Variants in PDE10A observed in about 807,000 individuals in gnomAD.
PDE10A encodes phosphodiesterase 10A, also known as cAMP and cAMP-inhibited cGMP 3',5'-cyclic phosphodiesterase 10A.
Under a neutral mutation model 97.7 loss-of-function variants are expected in PDE10A, and 39 were observed. The observed-to-expected ratio is 0.40, with a 90% CI of 0.31 to 0.52. The LOEUF is 0.52. Among genes scored for constraint, PDE10A ranks in the 20% least tolerant of loss-of-function variants. PDE10A has a pLI of 0.56. For missense variants in PDE10A, 731 were observed against 1,047.8 expected (o/e 0.70, Z 4.17); for synonymous variants, 371 against 376.8 (o/e 0.98, Z 0.18).
intron 1 of PDE10A, among the ~76,000 whole-genome samples, chr6:165,847,221 C>G (rs1186942073): frequency 6.6e-6 from 1 of 152,140 alleles, no homozygotes; most frequent in Non-Finnish European, 1.5e-5. Context: ...TGAGGAGTTG[C>G]GGTTTACAGA....
At chr6:165,986,394 C>T (rs997473617) in intron 1 of PDE10A, 1 of 153,314 alleles carries the variant, frequency 6.5e-6, no homozygotes, top group African/African-American at 2.4e-5. Context: ...GGGGAAGGGA[C>T]TTGGGGTGGC....
chr6:165,533,034 G>C (rs1782878199), intron 2 of PDE10A, among the ~76,000 whole-genome samples: 1 of 152,068 alleles, frequency 6.6e-6, no homozygotes, highest in African/African-American at 2.4e-5. Context: ...CAGTCAGAAT[G>C]GCTAAAACTA....
chr6:165,649,181 G>A (rs1789554635), intron 1 of PDE10A, among the ~76,000 whole-genome samples: 1 of 152,144 alleles, frequency 6.6e-6, no homozygotes, highest in Non-Finnish European at 1.5e-5. Flanking sequence ...TGAAGATGGA[G>A]GTTTAAAGGT....
intron 14 of PDE10A, among the ~76,000 whole-genome samples, chr6:165,396,094 A>C (rs2128218160): frequency 6.6e-6 from 1 of 152,320 alleles, no homozygotes; most frequent in South Asian, 2.1e-4. Flanking sequence ...TCATTTCAAA[A>C]CTGAGTTCAG....
chr6:165,808,883 G>A (rs1025414093), intron 1 of PDE10A, among the ~76,000 whole-genome samples: 1 of 152,176 alleles, frequency 6.6e-6, no homozygotes, highest in Non-Finnish European at 1.5e-5. Flanking sequence ...TTTCTCTCAC[G>A]TGAAGTAAAA....
At chr6:165,656,485 T>C (rs1789973818) in intron 1 of PDE10A, among the ~76,000 whole-genome samples, 1 of 151,838 alleles carries the variant, frequency 6.6e-6, no homozygotes, top group Non-Finnish European at 1.5e-5. Flanking sequence ...ATCAGCCCTC[T>C]CCCTGCAGTC....
intron 1 of PDE10A, among the ~76,000 whole-genome samples, chr6:165,707,593 AGTGTGTGACAGT>A (rs973229034): frequency 6.6e-6 from 1 of 151,646 alleles, no homozygotes; most frequent in African/African-American, 2.4e-5. Context: ...TGTGTGTGTG[AGTGTGTGACAGT>A]GTGTGTGCAT....
At chr6:165,811,509 T>C (rs1037742719) in intron 1 of PDE10A, among the ~76,000 whole-genome samples, 15 of 152,212 alleles carry the variant, frequency 9.9e-5, no homozygotes, top group Non-Finnish European at 1.5e-4. Flanking sequence ...CTTATGTCCT[T>C]TCTGTCCCTT....
intron 18 of PDE10A, among the ~76,000 whole-genome samples, chr6:165,365,694 T>C (rs1245612938): frequency 6.6e-6 from 1 of 152,118 alleles, no homozygotes; most frequent in Admixed American, 6.6e-5. Context: ...TACTTAAGCC[T>C]GGGGGACAGA....
intron 1 of PDE10A, among the ~76,000 whole-genome samples, chr6:165,769,481 A>C (rs1004140394): frequency 1.3e-5 from 2 of 152,198 alleles, no homozygotes; most frequent in Non-Finnish European, 2.9e-5. Context: ...GGTGAATTTA[A>C]ACAGTGATGC....
intron 3 of PDE10A, among the ~76,000 whole-genome samples, chr6:165,457,980 A>G (rs1295194206): frequency 1.3e-5 from 2 of 152,232 alleles, no homozygotes; most frequent in Non-Finnish European, 2.9e-5. Flanking sequence ...TGGCACCAAC[A>G]TATCCAGAAG....
intron 1 of PDE10A, among the ~76,000 whole-genome samples, chr6:165,710,418 T>G (rs769647290): frequency 6.6e-5 from 10 of 152,208 alleles, no homozygotes; most frequent in Admixed American, 3.3e-4. Flanking sequence ...CTTTTAGTTT[T>G]TGTGAATATA....
At chr6:165,529,293 C>T (rs977919130) in intron 2 of PDE10A, among the ~76,000 whole-genome samples, 3 of 152,142 alleles carry the variant, frequency 2.0e-5, no homozygotes, top group Admixed American at 6.5e-5. Context: ...ACAGGAGATC[C>T]GTTAGGGCAT....
intron 2 of PDE10A, among the ~76,000 whole-genome samples, chr6:165,484,047 C>T (rs1055797094): frequency 1.3e-5 from 2 of 152,222 alleles, no homozygotes; most frequent in African/African-American, 4.8e-5. Flanking sequence ...ATGTCTCCAA[C>T]TTAACACTCA....
At chr6:165,589,613 A>G (rs1346793961) in intron 1 of PDE10A, among the ~76,000 whole-genome samples, 1 of 152,188 alleles carries the variant, frequency 6.6e-6, no homozygotes, top group African/African-American at 2.4e-5. Flanking sequence ...CTTCAGACAC[A>G]TAACAGTCCC....
At chr6:165,706,194 A>T (rs1416731381) in intron 1 of PDE10A, among the ~76,000 whole-genome samples, 1 of 152,248 alleles carries the variant, frequency 6.6e-6, no homozygotes, top group Non-Finnish European at 1.5e-5. Flanking sequence ...GCAAGTCACC[A>T]GAAAAATGTT....
intron 5 of PDE10A, among the ~76,000 whole-genome samples, chr6:165,441,823 G>T (rs1268280260): frequency 2.6e-5 from 4 of 152,122 alleles, no homozygotes; most frequent in Non-Finnish European, 5.9e-5. Context: ...CTACTGGTTT[G>T]CAGAAAGGTA....
intron 1 of PDE10A, chr6:165,947,285 G>A (rs1236180448): frequency 6.6e-6 from 1 of 152,174 alleles, no homozygotes. Context: ...TACATGTTAA[G>A]TGATGCTGTG....
chr6:165,577,514 C>T (rs1027844858), intron 1 of PDE10A, among the ~76,000 whole-genome samples: 2 of 152,170 alleles, frequency 1.3e-5, no homozygotes, highest in Non-Finnish European at 1.5e-5. Context: ...GCCCCACACC[C>T]CCAAGGGCAC....
Sources: allele counts gnomAD v4.1 joint callset (sites outside exome capture counted in the v4.1 genomes callset), GRCh38; gene constraint gnomAD v4.1.1; transcripts MANE v1.5; gene names NCBI Gene and HGNC (gene_info 2026-07-23, HGNC 2026-07-21).